Variants in GDA observed in about 807,000 individuals in gnomAD.
GDA encodes guanine deaminase.
A neutral mutation model predicts 59.6 loss-of-function variants in GDA; 18 were observed. That is an observed-to-expected ratio of 0.30 (90% CI 0.21 to 0.45). The LOEUF is 0.45. Among genes scored for constraint, GDA ranks in the 20% least tolerant of loss-of-function variants. The pLI, the probability that GDA is intolerant of heterozygous loss-of-function variation, is 1.00. For missense variants in GDA, 427 were observed against 552.3 expected (o/e 0.77, Z 2.27); for synonymous variants, 201 against 201.1 (o/e 1.00, Z 0.00).
At chr9:72,219,650 CTG>C in intron 6 of GDA, 144 bp downstream of exon 6, 1 of 537,942 alleles carries the variant, frequency 1.9e-6, no homozygotes, top group Non-Finnish European at 3.3e-6. Context: ...TGATGTGTCA[CTG>C]TGGACTGTCA....
At chr9:72,139,359 C>G (rs1826361372) in intron 1 of GDA, among the ~76,000 whole-genome samples, 1 of 152,164 alleles carries the variant, frequency 6.6e-6, no homozygotes, top group Admixed American at 6.5e-5. Context: ...ATCAAAATGT[C>G]CCATACTGGG....
At chr9:72,229,171 T>TAAAAAAAAAA (rs34554102) in intron 9 of GDA, 22 of 42,106 alleles carry the variant, frequency 5.2e-4, no homozygotes, top group African/African-American at 2.2e-3. Context: ...CAGTCTCTAC[T>TAAAAAAAAAA]AAAAAAAAAA....
At chr9:72,230,499 AAAAT>A (rs1838204250) in intron 9 of GDA, among the ~76,000 whole-genome samples, 1 of 121,822 alleles carries the variant, frequency 8.2e-6, no homozygotes. Context: ...TCAAAAAAAA[AAAAT>A]ATATATATAT....
At chr9:72,135,904 C>G (rs981755663) in intron 1 of GDA, among the ~76,000 whole-genome samples, 5 of 151,996 alleles carry the variant, frequency 3.3e-5, no homozygotes, top group African/African-American at 9.7e-5. Context: ...AGCCACCACG[C>G]GGGGCCTGCT....
intron 1 of GDA, among the ~76,000 whole-genome samples, chr9:72,195,193 C>G (rs2131266071): frequency 6.6e-6 from 1 of 152,234 alleles, no homozygotes; most frequent in South Asian, 2.1e-4. Flanking sequence ...TTCTATTCTG[C>G]CATCTTGCTC....
chr9:72,258,433 A>G (rs549865065), downstream of GDA, among the ~76,000 whole-genome samples: 9 of 152,296 alleles, frequency 5.9e-5, no homozygotes, highest in African/African-American at 2.2e-4. Context: ...TGGACTGGAG[A>G]CCAATTGCAG....
chr9:72,227,701 A>G (rs911712523), intron 8 of GDA, among the ~76,000 whole-genome samples: 2 of 152,200 alleles, frequency 1.3e-5, no homozygotes, highest in Non-Finnish European at 2.9e-5. Flanking sequence ...TAGATCAACA[A>G]AAAGAATCTA....
chr9:72,128,982 T>G (rs1471384641), intron 1 of GDA, among the ~76,000 whole-genome samples: 1 of 152,002 alleles, frequency 6.6e-6, no homozygotes, highest in Non-Finnish European at 1.5e-5. Context: ...TTTTTTTTTT[T>G]GACAGAGTTT....
intron 1 of GDA, among the ~76,000 whole-genome samples, chr9:72,142,799 G>C (rs1458460476): frequency 6.6e-6 from 1 of 151,828 alleles, no homozygotes; most frequent in Non-Finnish European, 1.5e-5. Flanking sequence ...ACGGAGTTTT[G>C]CTCTTGTTGC....
At chr9:72,252,875 A>G (rs1411359028), downstream of GDA, among the ~76,000 whole-genome samples, 1 of 152,220 alleles carries the variant, frequency 6.6e-6, no homozygotes, top group Non-Finnish European at 1.5e-5. Context: ...ATGAAGATTA[A>G]ATAAAAGGAT....
At chr9:72,157,696 G>C (rs1828091353) in intron 1 of GDA, among the ~76,000 whole-genome samples, 1 of 152,064 alleles carries the variant, frequency 6.6e-6, no homozygotes, top group African/African-American at 2.4e-5. Context: ...TTGGACCATG[G>C]GTAGTATCAT....
chr9:72,216,566 C>A (rs949539282), intron 5 of GDA, among the ~76,000 whole-genome samples: 1 of 152,092 alleles, frequency 6.6e-6, no homozygotes. Context: ...ACAAAGAAAC[C>A]AAACACAAAA....
At chr9:72,246,272 C>T (rs1840128993) in intron 12 of GDA, among the ~76,000 whole-genome samples, 1 of 152,124 alleles carries the variant, frequency 6.6e-6, no homozygotes, top group Non-Finnish European at 1.5e-5. Flanking sequence ...CTCAGCCTCC[C>T]AGGTAGCTGG....
At chr9:72,149,980 G>GC (rs971577540) in intron 1 of GDA, among the ~76,000 whole-genome samples, 4 of 150,140 alleles carry the variant, frequency 2.7e-5, no homozygotes, top group East Asian at 4.0e-4. Context: ...CCGCTCCCCC[G>GC]CCCCCCGTTC....
intron 1 of GDA, among the ~76,000 whole-genome samples, chr9:72,190,361 A>G (rs1332049701): frequency 6.6e-6 from 1 of 152,188 alleles, no homozygotes; most frequent in African/African-American, 2.4e-5. Flanking sequence ...TCCTGACCTC[A>G]AGCAATCTGC....
At chr9:72,187,331 A>G (rs1831983144) in intron 1 of GDA, among the ~76,000 whole-genome samples, 1 of 152,166 alleles carries the variant, frequency 6.6e-6, no homozygotes, top group Non-Finnish European at 1.5e-5. Context: ...TTGTTACCAT[A>G]GTAGTGGTTA....
chr9:72,194,956 C>G (rs1832971268), intron 1 of GDA, among the ~76,000 whole-genome samples: 1 of 152,182 alleles, frequency 6.6e-6, no homozygotes, highest in Non-Finnish European at 1.5e-5. Flanking sequence ...TCTCCTTCCA[C>G]CAGTGCCCAG....
intron 1 of GDA, among the ~76,000 whole-genome samples, chr9:72,117,557 G>T (rs1825498709): frequency 6.6e-6 from 1 of 152,180 alleles, no homozygotes; most frequent in African/African-American, 2.4e-5. Flanking sequence ...CATGGTTCTA[G>T]ATATCACAAG....
intron 5 of GDA, among the ~76,000 whole-genome samples, chr9:72,215,998 T>C (rs1486634061): frequency 6.6e-6 from 1 of 152,196 alleles, no homozygotes; most frequent in East Asian, 1.9e-4. Context: ...ACCACTTGCA[T>C]GAATCTGGTG....
Sources: gnomAD v4.1 joint callset for allele counts (sites outside exome capture counted in the v4.1 genomes callset) on GRCh38, gnomAD v4.1.1 for gene constraint, MANE v1.5 for transcripts, NCBI Gene and HGNC (gene_info 2026-07-23, HGNC 2026-07-21) for gene names.